ZNF469: variants seen among roughly 807,000 people sequenced by gnomAD.
ZNF469 encodes the protein zinc finger protein 469.
A neutral mutation model predicts 1.0 loss-of-function variants in ZNF469; 1 was observed. The ratio of observed to expected loss-of-function variants is 1.00; its 90% CI spans 0.35 to 4.73. The LOEUF (loss-of-function observed/expected upper bound fraction) is 4.73. Among genes scored for constraint, ZNF469 ranks in the 30% most tolerant of loss-of-function variants. The pLI is 0.16. For missense variants in ZNF469, 6,100 were observed against 5,356.3 expected, an observed-to-expected ratio of 1.14 and a Z score of -4.33; for synonymous variants, 2,703 against 2,363.4, an observed-to-expected ratio of 1.14 and a Z score of -4.17.
At chr16:88,131,895 C>G in the ZNF469 span, among the ~76,000 whole-genome samples, 254 of 152,154 alleles carry the variant, frequency 1.7e-3, 1 homozygote, top group African/African-American at 5.9e-3. Context: ...CCCACCTGCC[C>G]GCGCCCACCT....
At chr16:88,328,338 C>T in the ZNF469 span, among the ~76,000 whole-genome samples, 3 of 152,198 alleles carry the variant, frequency 2.0e-5, no homozygotes, top group Non-Finnish European at 2.9e-5. Flanking sequence ...AACCATATGA[C>T]GGCTCCCAGC....
At chr16:88,367,667 C>G in the ZNF469 span, among the ~76,000 whole-genome samples, 1 of 152,318 alleles carries the variant, frequency 6.6e-6, no homozygotes, top group East Asian at 1.9e-4. Flanking sequence ...CAAGCCCAAG[C>G]ATGCAGTGAC....
At position 88,429,423 on chromosome 16, in the gene ZNF469, G is replaced by A. The variant is rs564837770; in HGVS notation, c.1953G>A (p.Pro651=). The change falls in exon 3 of 3, where the codon CCG becomes CCA. Residue 651 remains proline, a synonymous_variant. Coordinates refer to ENST00000565624, the MANE Select transcript of ZNF469 (RefSeq NM_001367624.2). ...PQETGSPFPS[P]EPPHSLPTHY... ...AGACGGGCAGCCCCTTCCCGTCCCC[G>A]GAGCCCCCCCACTCCCTCCCCACCC... 1.5e-3 allele frequency: 695 copies of A among 465,282 alleles called. 2 individuals carry two copies. Among genetic ancestry groups the A allele is most frequent in the Non-Finnish European group, 1.2e-3 (390 of 330,656 alleles). 28.8% of individuals were successfully genotyped at this position (465,282 alleles called of 1,614,324 possible).
chr16:88,205,538 C>T, the ZNF469 span, among the ~76,000 whole-genome samples: 501 of 152,264 alleles, frequency 3.3e-3, 3 homozygotes, highest in African/African-American at 0.012. This position sits in a 1 kb window ranked among gnomAD's most constrained non-coding sequence, Gnocchi z 4.2. Flanking sequence ...TGAGCTCCAG[C>T]GTGGCAATCC....
At chr16:88,315,759 C>G in the ZNF469 span, among the ~76,000 whole-genome samples, 1 of 152,180 alleles carries the variant, frequency 6.6e-6, no homozygotes, top group Non-Finnish European at 1.5e-5. Flanking sequence ...GACCTCCTGG[C>G]CTGGGTTGGT....
the ZNF469 span, among the ~76,000 whole-genome samples, chr16:88,225,171 T>C: frequency 0.38 from 58,084 of 152,138 alleles, 11,374 homozygotes; most frequent in South Asian, 0.42. Flanking sequence ...ACTGGCTTCC[T>C]CAGGCCACCT....
the ZNF469 span, among the ~76,000 whole-genome samples, chr16:88,182,166 A>G: frequency 6.6e-6 from 1 of 152,182 alleles, no homozygotes; most frequent in Non-Finnish European, 1.5e-5. Flanking sequence ...TAAATCTTAC[A>G]AAATATGTGC....
chr16:88,160,502 G>A, the ZNF469 span, among the ~76,000 whole-genome samples: 1 of 152,176 alleles, frequency 6.6e-6, no homozygotes, highest in Non-Finnish European at 1.5e-5. Context: ...TGGCTCCATC[G>A]CGGTCTTTTC....
chr16:88,238,634 ATG>A, the ZNF469 span, among the ~76,000 whole-genome samples: 1 of 152,210 alleles, frequency 6.6e-6, no homozygotes, highest in African/African-American at 2.4e-5. Flanking sequence ...ACACTTTAAA[ATG>A]TATATATCTG....
chr16:88,290,243 G>A, the ZNF469 span, among the ~76,000 whole-genome samples: 3 of 152,220 alleles, frequency 2.0e-5, no homozygotes, highest in Non-Finnish European at 2.9e-5. Context: ...TGCAGCTGAT[G>A]GACTTTCAGA....
chr16:88,148,415 C>T, the ZNF469 span, among the ~76,000 whole-genome samples: 2 of 152,180 alleles, frequency 1.3e-5, no homozygotes, highest in South Asian at 2.1e-4. Context: ...TTGGCCCTGG[C>T]GCGGTGCCTC....
the ZNF469 span, among the ~76,000 whole-genome samples, chr16:88,301,001 G>T: frequency 6.6e-6 from 1 of 152,010 alleles, no homozygotes; most frequent in Admixed American, 6.5e-5. Flanking sequence ...TGAGGCAGAG[G>T]TTGCAGTGAG....
intron 1 of ZNF469, among the ~76,000 whole-genome samples, chr16:88,419,308 G>A (rs1421354047): frequency 6.6e-6 from 1 of 152,184 alleles, no homozygotes; most frequent in Non-Finnish European, 1.5e-5. Flanking sequence ...AGAGGCCGGA[G>A]GGAACCGACA....
chr16:88,265,189 T>A, the ZNF469 span, among the ~76,000 whole-genome samples: 8,445 of 152,214 alleles, frequency 0.055, 290 homozygotes, highest in Non-Finnish European at 0.082. Flanking sequence ...GCCCACTGTC[T>A]CGTGTGAGTG....
the ZNF469 span, among the ~76,000 whole-genome samples, chr16:88,365,882 A>G: frequency 6.6e-6 from 1 of 152,208 alleles, no homozygotes; most frequent in African/African-American, 2.4e-5. Context: ...CCCTTCCCAG[A>G]TTGAGTTCTG....
At chr16:88,399,168 GC>G (rs1904784750) in intron 1 of ZNF469, among the ~76,000 whole-genome samples, 1 of 152,210 alleles carries the variant, frequency 6.6e-6, no homozygotes, top group African/African-American at 2.4e-5. Flanking sequence ...AGCCCACTGG[GC>G]CCAAGAGGCT....
At chr16:88,364,611 G>A in the ZNF469 span, among the ~76,000 whole-genome samples, 1 of 151,634 alleles carries the variant, frequency 6.6e-6, no homozygotes, top group African/African-American at 2.4e-5. Context: ...CATGAATATG[G>A]CCCCACACTT....
Position 88,436,290 on chromosome 16 carries a change from G to A in ZNF469, c.8820G>A (p.Leu2940=). The A allele has an allele frequency of 6.5e-7, 1 of 1,549,964 alleles. No individual in the cohort carries two copies. The highest frequency in any genetic ancestry group is 8.7e-7 in the Non-Finnish European group (1 of 1,146,790). The change falls in exon 3 of 3, where the codon CTG becomes CTA. Residue 2940 remains leucine (L), a synonymous_variant. Coordinates refer to ENST00000565624, the MANE Select transcript of ZNF469 (RefSeq NM_001367624.2). ...CAGGTCTGCCCGAGTCCTTCCTCCT[G>A]GATGGGTTCCTCAATAGCAGGGTGC... ...DPAGLPESFL[L]DGFLNSRVPG...
chr16:88,420,975 C>G (rs1022718561), intron 1 of ZNF469, among the ~76,000 whole-genome samples: 2 of 152,032 alleles, frequency 1.3e-5, no homozygotes, highest in Non-Finnish European at 2.9e-5. Context: ...CAACCCAATC[C>G]GAGGGATCTT....
Sources: allele counts gnomAD v4.1 joint callset (sites outside exome capture counted in the v4.1 genomes callset), GRCh38; gene constraint gnomAD v4.1.1; non-coding constraint Gnocchi (gnomAD v3.1); transcripts MANE v1.5; gene names NCBI Gene and HGNC (gene_info 2026-07-23, HGNC 2026-07-21).